The following LACTB2 variants were observed in gnomAD, a reference collection of about 807,000 sequenced individuals.
LACTB2 encodes endoribonuclease LACTB2.
In LACTB2, 32 loss-of-function variants were observed where a neutral mutation model predicts 34.8. That is an observed-to-expected ratio of 0.92 (90% confidence interval 0.69 to 1.24). The LOEUF is 1.24. LACTB2 is among the 50% of genes most tolerant of loss of function. The pLI is 0.00. For synonymous variants in LACTB2, 120 were observed against 117.5 expected (o/e 1.02, Z -0.14); for missense variants, 320 against 345.0 (o/e 0.93, Z 0.57).
intron 5 of LACTB2, among the ~76,000 whole-genome samples, chr8:70,639,201 C>G (rs925036092): frequency 6.6e-6 from 1 of 151,498 alleles, no homozygotes; most frequent in Non-Finnish European, 1.5e-5. Flanking sequence ...CTCTTGTCAC[C>G]TAGGCTGGAG....
At chr8:70,665,085 GCAAA>G (rs1388570167) in intron 1 of LACTB2, among the ~76,000 whole-genome samples, 1 of 152,142 alleles carries the variant, frequency 6.6e-6, no homozygotes, top group South Asian at 2.1e-4. Context: ...TTCTCCCTTA[GCAAA>G]CAGTTACTCT....
chr8:70,640,457 T>C (rs1818181894), intron 5 of LACTB2: 1 of 152,796 alleles, frequency 6.5e-6, no homozygotes, highest in Admixed American at 6.5e-5. Flanking sequence ...TTTTTCTTTT[T>C]CTCCATTGTT....
intron 1 of LACTB2, among the ~76,000 whole-genome samples, chr8:70,663,712 G>A (rs973768722): frequency 8.5e-5 from 13 of 152,170 alleles, no homozygotes; most frequent in Admixed American, 6.5e-4. Flanking sequence ...AAACCCTGGA[G>A]GGAGCAAATT....
chr8:70,653,238 G>A (rs1350385937), intron 3 of LACTB2, among the ~76,000 whole-genome samples: 1 of 152,118 alleles, frequency 6.6e-6, no homozygotes, highest in Non-Finnish European at 1.5e-5. Context: ...AGCCTCCCAA[G>A]TAGCTGGGAC....
chr8:70,659,274 G>A (rs17759936), intron 2 of LACTB2, among the ~76,000 whole-genome samples: 11,033 of 152,178 alleles, frequency 0.073, 470 homozygotes, highest in Non-Finnish European at 0.089. Flanking sequence ...TCAATATGGC[G>A]GCTGTGGGTA....
At chr8:70,658,011 T>A (rs1049325327) in intron 2 of LACTB2, 129 bp from the exon 3 acceptor site, 1 of 539,808 alleles carries the variant, frequency 1.9e-6, no homozygotes, top group African/African-American at 2.0e-5. Flanking sequence ...CAACAGAAAA[T>A]GGGATGAATT....
At chr8:70,661,617 C>A in intron 2 of LACTB2, 117 bp downstream of exon 2, 1 of 817,020 alleles carries the variant, frequency 1.2e-6, no homozygotes, top group Non-Finnish European at 1.9e-6. Context: ...CTAAAAGTAC[C>A]ATTTAAAACT....
At chr8:70,646,399 G>C (rs1182890455) in intron 3 of LACTB2, 1 of 152,170 alleles carries the variant, frequency 6.6e-6, no homozygotes, top group East Asian at 1.9e-4. Flanking sequence ...GATATGAACA[G>C]ACACTCTCAA....
chr8:70,666,113 C>T (rs1818530680), intron 1 of LACTB2, among the ~76,000 whole-genome samples: 1 of 152,146 alleles, frequency 6.6e-6, no homozygotes, highest in South Asian at 2.1e-4. Context: ...AGAAAATGTA[C>T]AGAATGCTCA....
At chr8:70,663,739 C>T (rs1052516508) in intron 1 of LACTB2, among the ~76,000 whole-genome samples, 10 of 152,042 alleles carry the variant, frequency 6.6e-5, no homozygotes, top group African/African-American at 7.2e-5. Context: ...GAGTTTGACT[C>T]GGGTCAGAGT....
intron 3 of LACTB2, 30 bp downstream of exon 3, chr8:70,657,726 A>G: frequency 6.3e-7 from 1 of 1,590,360 alleles, no homozygotes; most frequent in Non-Finnish European, 8.6e-7. Flanking sequence ...CAGACTCTTC[A>G]CCTTCCCTGG....
intron 1 of LACTB2, chr8:70,663,000 T>C (rs1316856136): frequency 6.6e-6 from 1 of 152,230 alleles, no homozygotes; most frequent in Non-Finnish European, 1.5e-5. Flanking sequence ...CAAGATCCAA[T>C]TCACAAACTT....
At position 70,644,197 on chromosome 8, in the gene LACTB2, A is replaced by C. The variant is rs775058290; in HGVS notation, c.460T>G (p.Leu154Val). 3 of 1,612,056 alleles carry C rather than the reference A, an allele frequency of 1.9e-6. No homozygotes were observed. The highest frequency in any genetic ancestry group is 1.3e-5 in the African/African-American group (1 of 74,856). The part of the protein sequence containing the change: ...GHTDDHMALL[L>V]EEENAIFSGD... ...GAAAAGATAGCATTTTCCTCTTCTA[A>C]GAGTAGAGCCATGTGATCATCAGTG... is the stretch of plus-strand genomic sequence containing the variant. The change falls in exon 4 of 7, where the codon TTA becomes GTA. Residue 154 changes from leucine to valine, a missense_variant. Physicochemically the swap from Leu to Val is conservative, Grantham distance 32. Coordinates refer to ENST00000276590, the MANE Select transcript of LACTB2 (RefSeq NM_016027.3).
Position 70,669,179 on chromosome 8 carries a change from C to T in LACTB2, c.-59G>A. ...TCTGGATACTCCAGCGCGGAAGAAG[C>T]CAACAGGCCGGGGATAGCGAGTAGC... On this transcript the variant is annotated 5_prime_UTR_variant, in exon 1 of 7. Transcript: ENST00000276590. The T allele has an allele frequency of 6.3e-7, 1 of 1,588,988 alleles. No homozygotes were observed.
chr8:70,641,868 G>A (rs1818202788), intron 4 of LACTB2, among the ~76,000 whole-genome samples: 1 of 152,162 alleles, frequency 6.6e-6, no homozygotes, highest in South Asian at 2.1e-4. Context: ...ACGGGATCTG[G>A]TTAGACACAG....
intron 2 of LACTB2, 51 bp downstream of exon 2, chr8:70,661,683 T>C (rs769911403): frequency 7.3e-6 from 11 of 1,509,088 alleles, no homozygotes; most frequent in Non-Finnish European, 9.0e-6. Context: ...AAATAAATTA[T>C]TCTCCAAACA....
At chr8:70,638,714 C>T (rs535954629) in intron 5 of LACTB2, 85 bp from the exon 6 acceptor site, 1 of 1,052,436 alleles carries the variant, frequency 9.5e-7, no homozygotes, top group Non-Finnish European at 1.3e-6. Flanking sequence ...TGAAGAAAAG[C>T]AAAATGTAGC....
intron 3 of LACTB2, chr8:70,651,903 T>C (rs1282842247): frequency 6.6e-6 from 1 of 152,142 alleles, no homozygotes; most frequent in Non-Finnish European, 1.5e-5. Flanking sequence ...AGGTAGAAAA[T>C]TTATCTAGTT....
At position 70,661,740 on chromosome 8, in the gene LACTB2, T is replaced by C. The variant is rs761036395; in HGVS notation, c.280A>G (p.Asn94Asp). 6.2e-7 allele frequency: 1 copy of C among 1,607,060 alleles called. No individual in the cohort carries two copies. The highest frequency in any genetic ancestry group is 8.5e-7 in the Non-Finnish European group (1 of 1,178,170). The change falls in exon 2 of 7, where the codon AAT becomes GAT. Residue 94 changes from asparagine (N) to aspartate (D), a missense_variant. Asn to Asp is a conservative substitution (Grantham distance 23). Transcript: ENST00000276590. ...ATGAATGTTTTCTGTTTACCATTAT[T>C]GATGCTTTTACAAATATCTCCTATG... ...GGIGDICKSI[N>D]NDTTYCIKKL...
Sources: allele counts gnomAD v4.1 joint callset (sites outside exome capture counted in the v4.1 genomes callset), GRCh38; gene constraint gnomAD v4.1.1; transcripts MANE v1.5; gene names NCBI Gene and HGNC (gene_info 2026-07-23, HGNC 2026-07-21).